PKM: variants seen among roughly 807,000 people sequenced by gnomAD.
The protein encoded by PKM is pyruvate kinase M1/2.
A neutral mutation model predicts 49.8 loss-of-function variants in PKM; 18 were observed. The observed-to-expected ratio is 0.36, with a 90% CI of 0.25 to 0.54. The LOEUF (loss-of-function observed/expected upper bound fraction) is 0.54, where lower values mean the gene tolerates loss of function less well. Among genes scored for constraint, PKM ranks in the 20% least tolerant of loss-of-function variants. PKM has a pLI of 0.89. For synonymous variants in PKM, 239 were observed against 261.8 expected, an observed-to-expected ratio of 0.91 and a Z score of 0.84; for missense variants, 508 against 713.8, an observed-to-expected ratio of 0.71 and a Z score of 3.28.
intron 4 of PKM, 38 bp downstream of exon 4, chr15:72,210,309 C>A (rs1003319010): frequency 6.2e-7 from 1 of 1,608,864 alleles, no homozygotes; most frequent in Non-Finnish European, 8.5e-7. Flanking sequence ...GGCATATTGC[C>A]TACTGAGCCT....
intron 6 of PKM, among the ~76,000 whole-genome samples, chr15:72,207,556 A>C (rs2140646081): frequency 6.6e-6 from 1 of 152,358 alleles, no homozygotes; most frequent in African/African-American, 2.4e-5. Context: ...CTCATTCCCA[A>C]GGTCTCCTCT....
intron 3 of PKM, among the ~76,000 whole-genome samples, chr15:72,214,136 A>C (rs2082320985): frequency 6.6e-6 from 1 of 152,208 alleles, no homozygotes; most frequent in East Asian, 1.9e-4. Context: ...TTCTAAAGTA[A>C]GCACACTTCA....
At chr15:72,223,300 C>T (rs146075262) in intron 1 of PKM, among the ~76,000 whole-genome samples, 57 of 152,192 alleles carry the variant, frequency 3.7e-4, no homozygotes, top group African/African-American at 1.3e-3. Flanking sequence ...TAGCCTGGCC[C>T]GTGAGTCTGC....
chr15:72,217,099 C>G (rs896089126), intron 3 of PKM, among the ~76,000 whole-genome samples: 1 of 152,114 alleles, frequency 6.6e-6, no homozygotes. Flanking sequence ...GCCAGGACAC[C>G]TAAGGCTTAG....
intron 1 of PKM, among the ~76,000 whole-genome samples, chr15:72,226,369 A>T (rs952121926): frequency 6.7e-6 from 1 of 149,834 alleles, no homozygotes; most frequent in Non-Finnish European, 1.5e-5. Flanking sequence ...CTACTAAAAA[A>T]TACAAAAAAA....
At chr15:72,220,293 C>T (rs184312044) in intron 1 of PKM, among the ~76,000 whole-genome samples, 3 of 152,310 alleles carry the variant, frequency 2.0e-5, no homozygotes, top group Admixed American at 2.0e-4. Context: ...AGCCCTTCCC[C>T]ACCTCATCCT....
chr15:72,210,613 C>T (rs186423251), intron 3 of PKM, 135 bp from the exon 4 acceptor site: 19 of 962,060 alleles, frequency 2.0e-5, no homozygotes, highest in East Asian at 5.3e-5. Context: ...ATCCTCAGCA[C>T]GATCCATGCA....
rs1370620548 is a variant in PKM at position 72,204,950 on chromosome 15, C to A, written c.1140+1778G>T. ...GTGACTGGTTCAAGGTGCACCGTCT[C>A]CTGGGACACCTTCCTACCATGGTGG... is the stretch of plus-strand genomic sequence containing the variant. On this transcript the variant is annotated intron_variant, in intron 8 of 10. Transcript: ENST00000335181. 4.6e-5 allele frequency among the ~76,000 whole-genome samples: 7 copies of A among 152,136 alleles called. No homozygotes were observed. The East Asian group carries it at 9.7e-4, about 21-fold the overall frequency.
chr15:72,225,898 T>C (rs779534811), intron 1 of PKM, among the ~76,000 whole-genome samples: 1 of 152,228 alleles, frequency 6.6e-6, no homozygotes, highest in Non-Finnish European at 1.5e-5. Flanking sequence ...TTTATTTCTA[T>C]TTTTACTAAA....
intron 1 of PKM, chr15:72,229,778 C>T: frequency 5.2e-6 from 5 of 955,884 alleles, no homozygotes; most frequent in Non-Finnish European, 6.7e-6. Flanking sequence ...CCCAAACAGC[C>T]CTTGACCCAC....
intron 1 of PKM, among the ~76,000 whole-genome samples, chr15:72,219,796 C>G (rs1240890365): frequency 6.6e-6 from 1 of 152,246 alleles, no homozygotes; most frequent in Non-Finnish European, 1.5e-5. Flanking sequence ...GAAATTATCA[C>G]AACTACATTA....
In PKM at chr15:72,199,468, T is replaced by C; in HGVS notation, c.*182A>G. 1.4e-6 allele frequency: 1 copy of C among 701,080 alleles called. No individual in the cohort carries two copies. The highest frequency in any genetic ancestry group is 1.7e-5 in the African/African-American group (1 of 57,262). The allele number at this position is 701,080 out of a possible 1,614,324, so 43.4% of individuals were successfully genotyped here. A position where few individuals can be genotyped will look rare whatever the true frequency, so the allele number is the denominator to read the frequency against. ...TGATGGGCAGCCAGGCTCTGGGCTG[T>C]CCCACTAGAGCAGGCTGCAAACACA... On this transcript the variant is annotated 3_prime_UTR_variant, in exon 11 of 11. Transcript: ENST00000335181.
chr15:72,199,246 A>C lies in PKM; in HGVS notation c.*404T>G. ...GTCGGCTTCAATGGAACAACAGCCC[A>C]GTGCCCTAAGGCCCCTAACTCTTGC... is the stretch of plus-strand genomic sequence containing the variant. On this transcript the variant is annotated 3_prime_UTR_variant, in exon 11 of 11. Transcript: ENST00000335181. The C allele has an allele frequency of 8.1e-6, 3 of 370,870 alleles. No individual in the cohort carries two copies. Among genetic ancestry groups the C allele is most frequent in the South Asian group, 2.1e-5 (1 of 48,206 alleles). 23.0% of individuals were successfully genotyped at this position (370,870 alleles called of 1,614,324 possible).
chr15:72,230,992 G>A lies in PKM; in HGVS notation c.-14+124C>T, dbSNP rs748364780. 4 of 1,279,242 alleles carry A rather than the reference G, an allele frequency of 3.1e-6. No homozygotes were observed. The South Asian group carries it at 3.7e-5, about 12-fold the overall frequency. 79.2% of individuals were successfully genotyped at this position (1,279,242 alleles called of 1,614,324 possible). The stretch of plus-strand genomic sequence containing the variant: ...TCTCTCTGAGCTCCACTGCATCCCA[G>A]ACGCCCTGGATCCTGCGCCGCCCTG... On this transcript the variant is annotated intron_variant, in intron 1 of 10. Coordinates refer to ENST00000335181, the MANE Select transcript of PKM (RefSeq NM_002654.6).
At chr15:72,216,213 T>C (rs925808001) in intron 3 of PKM, among the ~76,000 whole-genome samples, 1 of 152,210 alleles carries the variant, frequency 6.6e-6, no homozygotes, top group African/African-American at 2.4e-5. Context: ...TTTTCTTTAC[T>C]CTCAACAGGA....
intron 1 of PKM, among the ~76,000 whole-genome samples, chr15:72,230,225 C>G (rs1032731946): frequency 6.6e-6 from 1 of 152,204 alleles, no homozygotes; most frequent in Admixed American, 6.5e-5. Context: ...CGGCACCGCG[C>G]CGCAGGGGCA....
At chr15:72,203,487 A>G in intron 8 of PKM, 1 of 427,558 alleles carries the variant, frequency 2.3e-6, no homozygotes, top group Non-Finnish European at 4.4e-6. Flanking sequence ...CCTGGCATGA[A>G]AACATGCCCA....
Position 72,219,083 on chromosome 15 carries a change from A to G in PKM, c.15T>C (p.His5=), listed in dbSNP as rs541388000. ...GAATGAAGGCAGTCCCGGCTTCACTATGGGGCTTCGACATGGCTGCTGAGG... is the reference window on the plus strand; with the variant it reads ...GAATGAAGGCAGTCCCGGCTTCACTGTGGGGCTTCGACATGGCTGCTGAGG... MSKP[H]SEAGTAFIQT... is the part of the protein sequence containing the mutation. Residue 5 remains histidine, a synonymous_variant, in exon 2 of 11, where the codon CAT becomes CAC. Coordinates refer to ENST00000335181, the MANE Select transcript of PKM (RefSeq NM_002654.6). 470 of 1,613,970 alleles carry G rather than the reference A, an allele frequency of 2.9e-4. 4 individuals carry two copies. In the South Asian group the frequency reaches 5.0e-3, roughly 17 times the overall value.
intron 5 of PKM, 33 bp from the exon 6 acceptor site, chr15:72,208,924 G>C (rs914694547): frequency 6.2e-7 from 1 of 1,602,182 alleles, no homozygotes. Flanking sequence ...GGGAGGCAGA[G>C]CACGAGGGCA....
Sources: allele counts gnomAD v4.1 joint callset (sites outside exome capture counted in the v4.1 genomes callset), GRCh38; gene constraint gnomAD v4.1.1; transcripts MANE v1.5; gene names NCBI Gene and HGNC (gene_info 2026-07-23, HGNC 2026-07-21).